MEX3A: variants seen among roughly 807,000 people sequenced by gnomAD.
The protein encoded by MEX3A is mex-3 RNA binding family member A.
In MEX3A, 4 loss-of-function variants were observed where a neutral mutation model predicts 30.0. The observed-to-expected ratio is 0.13, with a 90% CI of 0.07 to 0.30. The LOEUF (loss-of-function observed/expected upper bound fraction) is 0.30. Among genes scored for constraint, MEX3A ranks in the 10% least tolerant of loss-of-function variants. The pLI is 1.00. For missense variants in MEX3A, 555 were observed against 736.7 expected, an observed-to-expected ratio of 0.75 and a Z score of 2.86; for synonymous variants, 335 against 327.6, an observed-to-expected ratio of 1.02 and a Z score of -0.24.
chr1:156,072,309 C>T lies in MEX3A; in HGVS notation c.*4265G>A, dbSNP rs1052843246. 3 of 152,524 alleles carry T rather than the reference C, an allele frequency of 2.0e-5. No homozygotes were observed. The highest frequency in any genetic ancestry group is 6.5e-5 in the Admixed American group (1 of 15,268). The allele number at this position is 152,524 out of a possible 1,614,324, so 9.4% of individuals were successfully genotyped here. A position where few individuals can be genotyped will look rare whatever the true frequency, so the allele number is the denominator to read the frequency against. Reference sequence around the variant, plus strand: ...CTCCACCCACCCCCCCTTCCCCACCCGCACCCTCGAGTGGGGAAGGGGAAG... The same window carrying T: ...CTCCACCCACCCCCCCTTCCCCACCTGCACCCTCGAGTGGGGAAGGGGAAG... On this transcript the variant is annotated 3_prime_UTR_variant, in exon 2 of 2. Coordinates refer to ENST00000532414, the MANE Select transcript of MEX3A (RefSeq NM_001093725.2).
chr1:156,079,185 G>C (rs542287799), intron 1 of MEX3A, among the ~76,000 whole-genome samples: 3 of 151,746 alleles, frequency 2.0e-5, no homozygotes, highest in Admixed American at 2.0e-4. Flanking sequence ...GAGGGGAAGA[G>C]AGTAGGTTGG....
At position 156,081,826 on chromosome 1, in the gene MEX3A, G is replaced by C; in HGVS notation, c.173C>G (p.Ala58Gly). ...CCCCCCACCTCCCCCGTCCTCGCCC[G>C]CCGTGGGGGCGGGGGGCTCCCCCAA... ...LGLGEPPAPT[A>G]GEDGGGGGGG... Residue 58 changes from alanine to glycine, a missense_variant, in exon 1 of 2, where the codon GCG (alanine) becomes GGG (glycine). This residue lies in a region of MEX3A where 159 missense variants were observed against 159.9 expected (regional missense o/e 0.99). Transcript: ENST00000532414. The C allele has an allele frequency of 1.5e-5, 17 of 1,125,926 alleles. No individual in the cohort carries two copies. Among genetic ancestry groups the C allele is most frequent in the East Asian group, 1.1e-4 (2 of 17,808 alleles). The allele number at this position is 1,125,926 out of a possible 1,614,324, so 69.7% of individuals were successfully genotyped here.
rs1572302063 is a variant in MEX3A, at chr1:156,081,944, G to C, written c.55C>G (p.Leu19Val). Reference sequence around the variant, plus strand: ...TTAGCGCTTCCCCCGAAACATCCTAGTTCTCCAAAGCCCCCATTTCTTTCC... The same window carrying C: ...TTAGCGCTTCCCCCGAAACATCCTACTTCTCCAAAGCCCCCATTTCTTTCC... Reference protein sequence around the residue: ...IMERNGGFGELGCFGGSAKDR... With the variant: ...IMERNGGFGEVGCFGGSAKDR... Residue 19 changes from leucine (L) to valine (V), a missense_variant, in exon 1 of 2, where the codon CTA becomes GTA. Physicochemically the swap from Leu to Val is conservative, Grantham distance 32. Transcript: ENST00000532414. 6.5e-7 allele frequency: 1 copy of C among 1,539,488 alleles called. No individual in the cohort carries two copies. The highest frequency in any genetic ancestry group is 2.5e-5 in the East Asian group (1 of 39,230).
At chr1:156,078,289 G>A (rs1254866993) in intron 1 of MEX3A, among the ~76,000 whole-genome samples, 1 of 152,086 alleles carries the variant, frequency 6.6e-6, no homozygotes, top group African/African-American at 2.4e-5. Context: ...TCTCTCAGTG[G>A]GCCTCAAATT....
chr1:156,079,355 A>G (rs1648157474), intron 1 of MEX3A, among the ~76,000 whole-genome samples: 1 of 152,038 alleles, frequency 6.6e-6, no homozygotes, highest in Admixed American at 6.6e-5. Context: ...CTGGGATCAC[A>G]GGCACCTGCC....
At position 156,074,289 on chromosome 1, in the gene MEX3A, A is replaced by G. The variant is rs936001142; in HGVS notation, c.*2285T>C. On this transcript the variant is annotated 3_prime_UTR_variant, in exon 2 of 2. Coordinates refer to ENST00000532414, the MANE Select transcript of MEX3A (RefSeq NM_001093725.2). ...TCATAAAATAAAATATCCTTTTCAT[A>G]TAATAAATTACCTAATAAAAAGTCT... 1.3e-5 allele frequency: 2 copies of G among 151,842 alleles called. No individual in the cohort carries two copies. The highest frequency in any genetic ancestry group is 6.6e-5 in the Admixed American group (1 of 15,228). 9.4% of individuals were successfully genotyped at this position (151,842 alleles called of 1,614,324 possible).
At position 156,072,420 on chromosome 1, in the gene MEX3A, G is replaced by C. The variant is rs745955302; in HGVS notation, c.*4154C>G. The C allele has an allele frequency of 2.0e-5, 3 of 152,546 alleles. No homozygotes were observed. The highest frequency in any genetic ancestry group is 4.4e-5 in the Non-Finnish European group (3 of 68,030). The allele number at this position is 152,546 out of a possible 1,614,324, so 9.4% of individuals were successfully genotyped here. A position where few individuals can be genotyped will look rare whatever the true frequency, so the allele number is the denominator to read the frequency against. On this transcript the variant is annotated 3_prime_UTR_variant, in exon 2 of 2. Coordinates refer to ENST00000532414, the MANE Select transcript of MEX3A (RefSeq NM_001093725.2). Reference sequence around the variant, plus strand: ...GGGGGAATCTGTCCCTAGGTGGGGCGAGAAGAGTAAATTGGGTAGAGGGAG... The same window carrying C: ...GGGGGAATCTGTCCCTAGGTGGGGCCAGAAGAGTAAATTGGGTAGAGGGAG...
chr1:156,077,512 T>G lies in MEX3A; in HGVS notation c.625A>C (p.Lys209Gln). 1.2e-6 allele frequency: 2 copies of G among 1,612,948 alleles called. No individual in the cohort carries two copies. The highest frequency in any genetic ancestry group is 1.7e-6 in the Non-Finnish European group (2 of 1,179,448). The change falls in exon 2 of 2, where the codon AAG becomes CAG. Residue 209 changes from lysine to glutamine, a missense_variant. Physicochemically the swap from Lys to Gln is moderately conservative, Grantham distance 53. Around this residue, in one of 6 missense-constraint regions of MEX3A, gnomAD observed 35 missense variants for 44.1 expected, o/e 0.79. Transcript: ENST00000532414. The surrounding 1 kb of genome is among the most constrained non-coding windows in gnomAD (Gnocchi z 8.3). ...HFSMIRASRNKSGAAFGVAPA... is the reference protein window; with the variant it reads ...HFSMIRASRNQSGAAFGVAPA... ...GCCACACCAAAGGCGGCGCCTGACT[T>G]GTTGCGGGAGGCACGGATCATGGAG...
Position 156,076,790 on chromosome 1 carries a change from G to A in MEX3A, c.1347C>T (p.Leu449=). 3 of 1,572,108 alleles carry A rather than the reference G, an allele frequency of 1.9e-6. No homozygotes were observed. Among genetic ancestry groups the A allele is most frequent in the Non-Finnish European group, 2.6e-6 (3 of 1,158,930 alleles). The part of the protein sequence containing the change: ...GLPRRPPGEP[L]QGFSKLGGGG... ...CCCCACCAAGTTTAGAGAAGCCCTG[G>A]AGCGGCTCTCCCGGGGGGCGCCTCG... Residue 449 remains leucine (L), a synonymous_variant, in exon 2 of 2, where the codon CTC becomes CTT. Transcript: ENST00000532414. This position sits in a 1 kb window ranked among gnomAD's most constrained non-coding sequence, Gnocchi z 6.0.
rs978375804 is a variant in MEX3A, at chr1:156,080,944, A to T, written c.454+601T>A. Among the ~76,000 whole-genome samples, 4 of 151,804 alleles carry T rather than the reference A, an allele frequency of 2.6e-5. No homozygotes were observed. In the East Asian group the frequency reaches 7.8e-4, roughly 30 times the overall value. ...CACCCCTTCCAAAACCCCAGAGACAATCCAACTTTGGGGTGTGGGTGACCA... is the reference window on the plus strand; with the variant it reads ...CACCCCTTCCAAAACCCCAGAGACATTCCAACTTTGGGGTGTGGGTGACCA... On this transcript the variant is annotated intron_variant, in intron 1 of 1. Transcript: ENST00000532414.
chr1:156,081,667 C>G lies in MEX3A; in HGVS notation c.332G>C (p.Ser111Thr). Residue 111 changes from serine (S) to threonine (T), a missense_variant, in exon 1 of 2, where the codon AGC becomes ACC. This residue lies in a region of MEX3A where 159 missense variants were observed against 159.9 expected (regional missense o/e 0.99). Transcript: ENST00000532414. ...PQPPTAPKGA[S>T]DAKLCALYKE... is the part of the protein sequence containing the mutation. ...GTAGAGAGCGCAGAGCTTGGCGTCG[C>G]TCGCCCCTTTGGGGGCGGTGGGGGG... 1 of 1,504,786 alleles carries G rather than the reference C, an allele frequency of 6.6e-7. No individual in the cohort carries two copies. Among genetic ancestry groups the G allele is most frequent in the Non-Finnish European group, 8.9e-7 (1 of 1,127,990 alleles). The allele number at this position is 1,504,786 out of a possible 1,614,324, so 93.2% of individuals were successfully genotyped here.
In MEX3A at chr1:156,074,305, TAA is replaced by T. The variant is rs1296669034; in HGVS notation, c.*2267_*2268del. The T allele has an allele frequency of 6.6e-6, 1 of 151,930 alleles. No homozygotes were observed. Among genetic ancestry groups the T allele is most frequent in the Non-Finnish European group, 1.5e-5 (1 of 67,904 alleles). The allele number at this position is 151,930 out of a possible 1,614,324, so 9.4% of individuals were successfully genotyped here. Reference sequence around the variant, plus strand: ...CCTTTTCATATAATAAATTACCTAATAAAAAGTCTTTTTTTTTCATATTAGCC... The same window carrying T: ...CCTTTTCATATAATAAATTACCTAATAAAGTCTTTTTTTTTCATATTAGCC... On this transcript the variant is annotated 3_prime_UTR_variant, in exon 2 of 2. Coordinates refer to ENST00000532414, the MANE Select transcript of MEX3A (RefSeq NM_001093725.2).
intron 1 of MEX3A, among the ~76,000 whole-genome samples, chr1:156,078,168 C>T (rs1648125112): frequency 6.6e-6 from 1 of 152,170 alleles, no homozygotes; most frequent in Non-Finnish European, 1.5e-5. Context: ...TCAGTAACCT[C>T]ATAATCTACT....
Position 156,077,384 on chromosome 1 carries a change from C to T in MEX3A, c.753G>A (p.Gln251=). Residue 251 remains glutamine, a synonymous_variant, in exon 2 of 2, where the codon CAG becomes CAA. Transcript: ENST00000532414. This position sits in a 1 kb window ranked among gnomAD's most constrained non-coding sequence, Gnocchi z 8.3. The part of the protein sequence containing the change: ...PKGATIKRIQ[Q]QTNTYIITPS... Reference sequence around the variant, plus strand: ...GTGTGATAATGTATGTGTTGGTTTGCTGCTGGATGCGCTTGATGGTTGCCC... The same window carrying T: ...GTGTGATAATGTATGTGTTGGTTTGTTGCTGGATGCGCTTGATGGTTGCCC... The T allele has an allele frequency of 6.2e-7, 1 of 1,613,478 alleles. No individual in the cohort carries two copies. Among genetic ancestry groups the T allele is most frequent in the Non-Finnish European group, 8.5e-7 (1 of 1,179,706 alleles).
intron 1 of MEX3A, among the ~76,000 whole-genome samples, chr1:156,078,517 C>T (rs1317372313): frequency 6.6e-6 from 1 of 151,968 alleles, no homozygotes; most frequent in East Asian, 1.9e-4. Context: ...GACCCACACT[C>T]CTGCTTTGAA....
rs1378009398 is a variant in MEX3A at position 156,082,002 on chromosome 1, G to T, written c.-4C>A. The T allele has an allele frequency of 1.4e-6, 2 of 1,445,212 alleles. No individual in the cohort carries two copies. Among genetic ancestry groups the T allele is most frequent in the South Asian group, 2.6e-5 (2 of 77,328 alleles). The allele number at this position is 1,445,212 out of a possible 1,614,324, so 89.5% of individuals were successfully genotyped here. ...CAGATACCACTAGACTAGGCATGGC[G>T]AAACAAAAGCTGGGGGAGAGAGAGA... On this transcript the variant is annotated 5_prime_UTR_variant, in exon 1 of 2. Transcript: ENST00000532414.
In MEX3A at chr1:156,082,033, A is replaced by C; in HGVS notation, c.-35T>G. The C allele has an allele frequency of 9.2e-7, 1 of 1,085,330 alleles. No homozygotes were observed. The highest frequency in any genetic ancestry group is 9.1e-5 in the East Asian group (1 of 11,046). The allele number at this position is 1,085,330 out of a possible 1,614,324, so 67.2% of individuals were successfully genotyped here. ...AAAGCTGGGGGAGAGAGAGAGGGAG[A>C]GAGAGAGAGAGAGGTGGTGGAAGGG... is the stretch of plus-strand genomic sequence containing the variant. On this transcript the variant is annotated 5_prime_UTR_variant, in exon 1 of 2. Transcript: ENST00000532414.
At chr1:156,080,597 G>C (rs1188106963) in intron 1 of MEX3A, among the ~76,000 whole-genome samples, 2 of 151,716 alleles carry the variant, frequency 1.3e-5, no homozygotes, top group African/African-American at 4.8e-5. Context: ...GGGTCCCCAA[G>C]ATCCCGTCTG....
chr1:156,078,834 T>A (rs1418580872), intron 1 of MEX3A, among the ~76,000 whole-genome samples: 4 of 152,082 alleles, frequency 2.6e-5, no homozygotes, highest in African/African-American at 9.7e-5. Context: ...ATGGGGCCAA[T>A]CTAATGTACA....
Sources: allele counts gnomAD v4.1 joint callset (sites outside exome capture counted in the v4.1 genomes callset), GRCh38; gene constraint gnomAD v4.1.1; regional missense constraint gnomAD v4.1.1; non-coding constraint Gnocchi (gnomAD v3.1); transcripts MANE v1.5; gene names NCBI Gene and HGNC (gene_info 2026-07-23, HGNC 2026-07-21).